Variants in TFDP2 observed in about 807,000 individuals in gnomAD.
TFDP2 encodes the protein transcription factor Dp-2 (E2F dimerization partner 2).
In TFDP2, 17 loss-of-function variants were observed where a neutral mutation model predicts 59.3. The ratio of observed to expected loss-of-function variants is 0.29; its 90% CI spans 0.20 to 0.43. The LOEUF (loss-of-function observed/expected upper bound fraction) is 0.43, where lower values mean the gene tolerates loss of function less well. Among genes scored for constraint, TFDP2 ranks in the 20% least tolerant of loss-of-function variants. The probability of loss-of-function intolerance (pLI) is 1.00; values close to 1 mark genes in which losing one functional copy is unlikely to be tolerated. For synonymous variants in TFDP2, 180 were observed against 194.7 expected (o/e 0.92, Z 0.63); for missense variants, 391 against 528.8 (o/e 0.74, Z 2.56).
chr3:142,141,280 T>G (rs1040088121), intron 1 of TFDP2, among the ~76,000 whole-genome samples: 5 of 152,250 alleles, frequency 3.3e-5, no homozygotes, highest in African/African-American at 1.2e-4. Flanking sequence ...CTGTCACGGC[T>G]TCCCTTGACT....
intron 6 of TFDP2, among the ~76,000 whole-genome samples, chr3:141,988,794 G>A (rs992824980): frequency 4.7e-5 from 7 of 148,792 alleles, no homozygotes; most frequent in Middle Eastern, 3.5e-3. Context: ...TCAGCCTCCC[G>A]AGTAGTTACA....
chr3:142,084,064 C>A (rs569466313), intron 3 of TFDP2, among the ~76,000 whole-genome samples: 56 of 152,262 alleles, frequency 3.7e-4, no homozygotes, highest in African/African-American at 1.3e-3. Context: ...AAGTGAGAGA[C>A]AACCCACAGA....
chr3:142,058,319 GTT>G (rs397876925), intron 3 of TFDP2, among the ~76,000 whole-genome samples: 24 of 137,556 alleles, frequency 1.7e-4, no homozygotes, highest in Admixed American at 2.2e-4. Context: ...AAATGTTTGG[GTT>G]TTTTTTTTTT....
intron 1 of TFDP2, among the ~76,000 whole-genome samples, chr3:142,106,003 T>C (rs9857917): frequency 0.74 from 113,089 of 151,992 alleles, 42,096 homozygotes; most frequent in South Asian, 0.81. Flanking sequence ...TCATGACAAA[T>C]TAAGGCTTCC....
chr3:141,987,121 A>G (rs1186005507), intron 6 of TFDP2, among the ~76,000 whole-genome samples: 7 of 152,052 alleles, frequency 4.6e-5, no homozygotes, highest in Admixed American at 4.6e-4. Flanking sequence ...AAGGCTTTCC[A>G]TTTTGTTTCT....
intron 3 of TFDP2, among the ~76,000 whole-genome samples, chr3:142,046,450 C>T (rs934614361): frequency 1.3e-5 from 2 of 152,156 alleles, no homozygotes; most frequent in Admixed American, 1.3e-4. Context: ...CATCTGAAAA[C>T]GTACCCCCAA....
At chr3:142,148,656 G>A (rs1402978108) in intron 1 of TFDP2, among the ~76,000 whole-genome samples, 3 of 152,296 alleles carry the variant, frequency 2.0e-5, no homozygotes, top group African/African-American at 7.2e-5. Flanking sequence ...ACACTTCTTT[G>A]TGAAGACAGA....
chr3:142,057,245 G>A (rs921476390), intron 3 of TFDP2, among the ~76,000 whole-genome samples: 4 of 152,178 alleles, frequency 2.6e-5, no homozygotes, highest in African/African-American at 7.2e-5. Flanking sequence ...GCTATAGCAT[G>A]TCCTTTCTGA....
Position 141,978,698 on chromosome 3 carries a change from GTT to G in TFDP2, c.357-18_357-17del, listed in dbSNP as rs760256002. 1 of 1,582,160 alleles carries G rather than the reference GTT, an allele frequency of 6.3e-7. No homozygotes were observed. The highest frequency in any genetic ancestry group is 1.4e-5 in the African/African-American group (1 of 73,322). On this transcript the variant is annotated splice_polypyrimidine_tract_variant and intron_variant, in intron 6 of 12. Coordinates refer to ENST00000489671, the MANE Select transcript of TFDP2 (RefSeq NM_001178139.2). ...GCTTCGTTTACTAGAAGGGAAAAAA[GTT>G]TTTTTTACTCCATTATACATATTAG... is the stretch of plus-strand genomic sequence containing the variant.
intron 8 of TFDP2, among the ~76,000 whole-genome samples, chr3:141,970,626 T>G (rs1939581293): frequency 6.6e-6 from 1 of 152,218 alleles, no homozygotes; most frequent in Non-Finnish European, 1.5e-5. Flanking sequence ...GAGCCAAGAT[T>G]TGAACCTAAA....
intron 3 of TFDP2, among the ~76,000 whole-genome samples, chr3:142,060,966 G>A (rs1015203456): frequency 7.9e-5 from 12 of 152,238 alleles, no homozygotes; most frequent in African/African-American, 2.4e-4. Flanking sequence ...ATATGAGAAC[G>A]TCTTTAATTT....
At chr3:142,005,849 T>A (rs1173299011) in intron 3 of TFDP2, among the ~76,000 whole-genome samples, 1 of 152,112 alleles carries the variant, frequency 6.6e-6, no homozygotes, top group African/African-American at 2.4e-5. Flanking sequence ...GAAGAAAAAA[T>A]TTTTAGAGAA....
intron 11 of TFDP2, among the ~76,000 whole-genome samples, chr3:141,954,710 T>C (rs1257833206): frequency 6.6e-6 from 1 of 151,910 alleles, no homozygotes; most frequent in Non-Finnish European, 1.5e-5. Context: ...ACAAAATAAG[T>C]GGTAGATACA....
At chr3:141,963,706 C>T in intron 10 of TFDP2, 106 bp downstream of exon 10, 5 of 1,359,452 alleles carry the variant, frequency 3.7e-6, no homozygotes, top group Non-Finnish European at 5.0e-6. Flanking sequence ...AGGAAGCCAG[C>T]CTTTGAGGGG....
intron 7 of TFDP2, among the ~76,000 whole-genome samples, chr3:141,976,459 G>T (rs1940656290): frequency 6.6e-6 from 1 of 152,154 alleles, no homozygotes; most frequent in Non-Finnish European, 1.5e-5. Context: ...TGGTGATAGG[G>T]TATTAGTAAA....
At chr3:141,999,738 T>C (rs962510475) in intron 4 of TFDP2, among the ~76,000 whole-genome samples, 2 of 132,740 alleles carry the variant, frequency 1.5e-5, no homozygotes, top group African/African-American at 6.0e-5. Flanking sequence ...CAAGAATTCC[T>C]TTTTTTTTTT....
At chr3:142,133,259 C>G (rs950919113) in intron 1 of TFDP2, among the ~76,000 whole-genome samples, 3 of 150,180 alleles carry the variant, frequency 2.0e-5, no homozygotes, top group Non-Finnish European at 2.9e-5. Context: ...CCCTGTCACC[C>G]AGACTGGAGT....
At chr3:141,968,437 TATATAAC>T (rs1487786531) in intron 9 of TFDP2, among the ~76,000 whole-genome samples, 1 of 113,460 alleles carries the variant, frequency 8.8e-6, no homozygotes, top group East Asian at 2.3e-4. Flanking sequence ...TATATAGATA[TATATAAC>T]ATATATATCT....
intron 3 of TFDP2, among the ~76,000 whole-genome samples, chr3:142,067,994 ACT>A (rs1269165102): frequency 1.3e-5 from 2 of 149,212 alleles, no homozygotes; most frequent in East Asian, 3.9e-4. Flanking sequence ...ACAGAGTAAG[ACT>A]CTAGCTTAAA....
Sources: allele counts gnomAD v4.1 joint callset (sites outside exome capture counted in the v4.1 genomes callset), GRCh38; gene constraint gnomAD v4.1.1; transcripts MANE v1.5; gene names NCBI Gene and HGNC (gene_info 2026-07-23, HGNC 2026-07-21).